The following MDGA2 variants were observed in gnomAD, a reference collection of about 807,000 sequenced individuals.
MDGA2 encodes the protein MAM domain-containing glycosylphosphatidylinositol anchor protein 2.
A neutral mutation model predicts 117.8 loss-of-function variants in MDGA2; 40 were observed. The ratio of observed to expected loss-of-function variants is 0.34; its 90% CI spans 0.26 to 0.44. MDGA2 has a LOEUF of 0.44. Among genes scored for constraint, MDGA2 ranks in the 20% least tolerant of loss-of-function variants. The pLI is 1.00. For missense variants in MDGA2, 1,123 were observed against 1,250.6 expected, an observed-to-expected ratio of 0.90 and a Z score of 1.54; for synonymous variants, 452 against 439.0, an observed-to-expected ratio of 1.03 and a Z score of -0.37.
intron 1 of MDGA2, among the ~76,000 whole-genome samples, chr14:47,314,151 C>T (rs186309878): frequency 6.1e-4 from 93 of 152,186 alleles, no homozygotes; most frequent in Admixed American, 1.9e-3. Flanking sequence ...AATGGTTTGA[C>T]CTTTCTGTGC....
At chr14:47,178,047 A>G (rs1884547277) in intron 3 of MDGA2, among the ~76,000 whole-genome samples, 1 of 152,126 alleles carries the variant, frequency 6.6e-6, no homozygotes, top group Non-Finnish European at 1.5e-5. Context: ...AGTGCATCCC[A>G]GGGATATATT....
intron 1 of MDGA2, among the ~76,000 whole-genome samples, chr14:47,327,507 G>T (rs1890178141): frequency 6.6e-6 from 1 of 152,138 alleles, no homozygotes; most frequent in Non-Finnish European, 1.5e-5. Flanking sequence ...ATTTTGACAG[G>T]TGGAGACATG....
chr14:47,191,033 T>C (rs947716789), intron 3 of MDGA2, among the ~76,000 whole-genome samples: 3 of 152,126 alleles, frequency 2.0e-5, no homozygotes, highest in African/African-American at 7.2e-5. Context: ...ATGGTTCTTA[T>C]ATTAGATTTA....
chr14:47,163,912 C>T (rs1000813583), intron 3 of MDGA2, among the ~76,000 whole-genome samples: 1 of 152,162 alleles, frequency 6.6e-6, no homozygotes, highest in Non-Finnish European at 1.5e-5. Context: ...AGAAATTCAG[C>T]ACACCCTGGC....
At chr14:47,267,548 A>G (rs1041099676) in intron 2 of MDGA2, among the ~76,000 whole-genome samples, 2 of 152,114 alleles carry the variant, frequency 1.3e-5, no homozygotes, top group African/African-American at 4.8e-5. Flanking sequence ...GGCAAATAGA[A>G]ACTTTGTCAC....
chr14:46,872,598 A>G (rs2138361453), intron 14 of MDGA2, among the ~76,000 whole-genome samples: 1 of 152,092 alleles, frequency 6.6e-6, no homozygotes, highest in South Asian at 2.1e-4. Context: ...GTAGAATCAT[A>G]TTATTAAAAA....
At chr14:46,926,542 G>A (rs1334035208) in intron 9 of MDGA2, among the ~76,000 whole-genome samples, 1 of 152,062 alleles carries the variant, frequency 6.6e-6, no homozygotes, top group African/African-American at 2.4e-5. Flanking sequence ...CTAAGGCAGT[G>A]GGTTATGTGT....
rs144095906 is a variant in MDGA2 at position 47,432,446 on chromosome 14, C to T, written c.281-130896G>A. On this transcript the variant is annotated intron_variant, in intron 1 of 16. Coordinates refer to ENST00000399232, the MANE Select transcript of MDGA2 (RefSeq NM_001113498.3). Reference sequence around the variant, plus strand: ...TATATTAAAGTTAATAACTTATATGCACTTTCTGGCTCCTATTTTATCTCC... The same window carrying T: ...TATATTAAAGTTAATAACTTATATGTACTTTCTGGCTCCTATTTTATCTCC... 2.5e-3 allele frequency among the ~76,000 whole-genome samples: 374 copies of T among 152,058 alleles called. 3 individuals carry two copies. The highest frequency in any genetic ancestry group is 7.9e-3 in the African/African-American group (329 of 41,512).
intron 7 of MDGA2, among the ~76,000 whole-genome samples, chr14:47,054,417 A>G (rs999115109): frequency 5.3e-5 from 8 of 150,750 alleles, no homozygotes; most frequent in African/African-American, 1.9e-4. Context: ...GGTGTGCTGC[A>G]CCCATTAACT....
intron 3 of MDGA2, among the ~76,000 whole-genome samples, chr14:47,148,491 C>CTA (rs1019610214): frequency 6.6e-6 from 1 of 152,142 alleles, no homozygotes; most frequent in Non-Finnish European, 1.5e-5. Flanking sequence ...TTCTATCGCT[C>CTA]TATTAAGTTG....
At chr14:47,136,025 G>A (rs973624048) in intron 4 of MDGA2, among the ~76,000 whole-genome samples, 1 of 151,904 alleles carries the variant, frequency 6.6e-6, no homozygotes, top group African/African-American at 2.4e-5. Flanking sequence ...TGTGTTTAAC[G>A]CTACTAATCT....
rs1305866650 is a variant in MDGA2 at position 46,840,236 on chromosome 14, A to G, written c.*1695T>C. 1 of 152,470 alleles carries G rather than the reference A, an allele frequency of 6.6e-6. No homozygotes were observed. Among genetic ancestry groups the G allele is most frequent in the Non-Finnish European group, 1.5e-5 (1 of 67,958 alleles). The allele number at this position is 152,470 out of a possible 1,614,324, so 9.4% of individuals were successfully genotyped here. A position where few individuals can be genotyped will look rare whatever the true frequency, so the allele number is the denominator to read the frequency against. On this transcript the variant is annotated 3_prime_UTR_variant, in exon 17 of 17. Transcript: ENST00000399232. ...CCACTACATTTTGTTGTGCTTTTAT[A>G]TTAATATTTGCAAATGCTATAATTT...
intron 6 of MDGA2, among the ~76,000 whole-genome samples, chr14:47,068,724 G>C (rs1890172005): frequency 6.6e-6 from 1 of 152,082 alleles, no homozygotes; most frequent in South Asian, 2.1e-4. Flanking sequence ...TATCAGATGA[G>C]TGGCAGTTTA....
intron 3 of MDGA2, among the ~76,000 whole-genome samples, chr14:47,192,106 G>A (rs919180141): frequency 6.6e-6 from 1 of 152,178 alleles, no homozygotes; most frequent in Non-Finnish European, 1.5e-5. Flanking sequence ...TGATAATAAA[G>A]GCAAGGCAAC....
At chr14:47,301,368 A>G in intron 2 of MDGA2, 43 bp downstream of exon 2, 1 of 1,547,224 alleles carries the variant, frequency 6.5e-7, no homozygotes, top group Non-Finnish European at 8.7e-7. Context: ...CTTCTGAGAA[A>G]AGTCAGAGAA....
At chr14:47,320,873 G>T (rs1436540236) in intron 1 of MDGA2, among the ~76,000 whole-genome samples, 4 of 152,070 alleles carry the variant, frequency 2.6e-5, no homozygotes, top group Non-Finnish European at 5.9e-5. Context: ...CCTAAAGTTA[G>T]GGGAAATCTA....
chr14:46,967,647 T>C (rs1231213190), intron 8 of MDGA2, among the ~76,000 whole-genome samples: 3 of 152,150 alleles, frequency 2.0e-5, no homozygotes, highest in Non-Finnish European at 4.4e-5. Context: ...ATTTGGCTGT[T>C]CCTGAGTTGT....
At chr14:46,934,445 C>T (rs1297329205) in intron 9 of MDGA2, among the ~76,000 whole-genome samples, 7 of 152,060 alleles carry the variant, frequency 4.6e-5, no homozygotes, top group Non-Finnish European at 8.8e-5. Flanking sequence ...TGAGGGAGGT[C>T]AAATACACAG....
intron 1 of MDGA2, among the ~76,000 whole-genome samples, chr14:47,558,271 G>T (rs1287315767): frequency 2.0e-5 from 3 of 152,188 alleles, no homozygotes; most frequent in African/African-American, 7.2e-5. Context: ...ACCTGTGATA[G>T]GGTTGGGCAG....
Sources: gnomAD v4.1 joint callset for allele counts (sites outside exome capture counted in the v4.1 genomes callset) on GRCh38, gnomAD v4.1.1 for gene constraint, MANE v1.5 for transcripts, NCBI Gene and HGNC (gene_info 2026-07-23, HGNC 2026-07-21) for gene names.